The following ASIC2 variants were observed in gnomAD, a reference collection of about 807,000 sequenced individuals.
ASIC2 encodes acid-sensing ion channel 2.
Under a neutral mutation model 57.3 loss-of-function variants are expected in ASIC2, and 25 were observed. The observed-to-expected ratio is 0.44, with a 90% CI of 0.32 to 0.61. The LOEUF (loss-of-function observed/expected upper bound fraction) is 0.61, where lower values mean the gene tolerates loss of function less well. Ranked by LOEUF, ASIC2 falls within the 20% of genes least tolerant of loss-of-function variation. The pLI, the probability that ASIC2 is intolerant of heterozygous loss-of-function variation, is 0.06. For missense variants in ASIC2, 641 were observed against 738.1 expected (o/e 0.87, Z 1.52); for synonymous variants, 319 against 307.5 (o/e 1.04, Z -0.39).
At chr17:33,468,946 A>G (rs1057307572) in intron 1 of ASIC2, among the ~76,000 whole-genome samples, 3 of 152,218 alleles carry the variant, frequency 2.0e-5, no homozygotes, top group African/African-American at 7.2e-5. Context: ...AATGCTGGGC[A>G]TATGCAACAA....
At chr17:33,902,065 C>T (rs1915242457) in intron 1 of ASIC2, among the ~76,000 whole-genome samples, 1 of 152,118 alleles carries the variant, frequency 6.6e-6, no homozygotes, top group South Asian at 2.1e-4. Context: ...GAGCAAGGTT[C>T]TCTCTATCAA....
chr17:33,735,196 G>A (rs569406479), intron 1 of ASIC2, among the ~76,000 whole-genome samples: 54 of 152,090 alleles, frequency 3.6e-4, no homozygotes, highest in Admixed American at 3.3e-3. Flanking sequence ...GCCTCTGCCT[G>A]CCATTGTGTT....
chr17:34,033,597 C>T (rs539923512), intron 1 of ASIC2, among the ~76,000 whole-genome samples: 11 of 151,948 alleles, frequency 7.2e-5, no homozygotes, highest in Admixed American at 3.3e-4. Flanking sequence ...AAAAGATCAA[C>T]GAAATTGATA....
intron 1 of ASIC2, among the ~76,000 whole-genome samples, chr17:33,119,885 T>C (rs965723743): frequency 3.9e-5 from 6 of 152,152 alleles, no homozygotes; most frequent in African/African-American, 1.4e-4. Context: ...TTAATGTCAT[T>C]CTCCTTAGAG....
At chr17:33,108,658 T>TG (rs1216623287) in intron 2 of ASIC2, among the ~76,000 whole-genome samples, 1 of 152,224 alleles carries the variant, frequency 6.6e-6, no homozygotes, top group Non-Finnish European at 1.5e-5. Context: ...AGCTTTGAGG[T>TG]GACCAGCATC....
chr17:33,855,254 G>A (rs1703427920), intron 1 of ASIC2, among the ~76,000 whole-genome samples: 1 of 152,148 alleles, frequency 6.6e-6, no homozygotes, highest in Non-Finnish European at 1.5e-5. Context: ...CTCCAGACTG[G>A]AGACCCTGCT....
At chr17:33,824,201 C>T (rs770848863) in intron 1 of ASIC2, among the ~76,000 whole-genome samples, 4 of 152,028 alleles carry the variant, frequency 2.6e-5, no homozygotes, top group Non-Finnish European at 4.4e-5. Context: ...ATTTTTACTC[C>T]GAATGCCCAG....
intron 1 of ASIC2, among the ~76,000 whole-genome samples, chr17:33,244,510 C>T (rs1908622499): frequency 6.6e-6 from 1 of 152,216 alleles, no homozygotes; most frequent in Non-Finnish European, 1.5e-5. Context: ...TTTCTATTTT[C>T]CATGCAGATG....
At chr17:34,098,191 C>G (rs796507280) in intron 1 of ASIC2, among the ~76,000 whole-genome samples, 1 of 152,194 alleles carries the variant, frequency 6.6e-6, no homozygotes, top group Non-Finnish European at 1.5e-5. Context: ...ATGAGGTGAG[C>G]AGCCTGTCAC....
At chr17:33,470,741 C>T (rs1913022017) in intron 1 of ASIC2, among the ~76,000 whole-genome samples, 1 of 152,286 alleles carries the variant, frequency 6.6e-6, no homozygotes, top group South Asian at 2.1e-4. Flanking sequence ...TCAGAAATCA[C>T]ACACACCCAA....
At position 33,067,359 on chromosome 17, in the gene ASIC2, T is replaced by G. The variant is rs373467618; in HGVS notation, c.987+21504A>C. ...CTGGAGGAGGTGGCATGGAAGGAAG[T>G]GTTGGATTTGTATATGAGTAGCTAG... On this transcript the variant is annotated intron_variant, in intron 3 of 9. Transcript: ENST00000225823. 2.5e-4 allele frequency among the ~76,000 whole-genome samples: 38 copies of G among 152,020 alleles called. 1 individual carries two copies. In the South Asian group the frequency reaches 7.3e-3, roughly 29 times the overall value.
chr17:33,211,223 G>A (rs1907255476), intron 1 of ASIC2, among the ~76,000 whole-genome samples: 1 of 152,132 alleles, frequency 6.6e-6, no homozygotes, highest in African/African-American at 2.4e-5. Flanking sequence ...AGTTAGTAGA[G>A]GGATGAGGCT....
chr17:33,134,718 G>A (rs574849719), intron 1 of ASIC2, among the ~76,000 whole-genome samples: 27 of 152,326 alleles, frequency 1.8e-4, no homozygotes, highest in African/African-American at 5.1e-4. Context: ...GGTTGTCCCC[G>A]GGCTGGCCTT....
chr17:33,414,181 C>T (rs1910757970), intron 1 of ASIC2, among the ~76,000 whole-genome samples: 1 of 152,114 alleles, frequency 6.6e-6, no homozygotes, highest in Non-Finnish European at 1.5e-5. Flanking sequence ...TGAGTGCATA[C>T]ATTGGAGGCA....
chr17:33,243,956 G>A (rs1908602798), intron 1 of ASIC2, among the ~76,000 whole-genome samples: 1 of 152,056 alleles, frequency 6.6e-6, no homozygotes, highest in African/African-American at 2.4e-5. Flanking sequence ...GACCTCTCTG[G>A]GCCTCTGTTT....
chr17:33,733,515 C>T (rs999060767), intron 1 of ASIC2, among the ~76,000 whole-genome samples: 5 of 152,164 alleles, frequency 3.3e-5, no homozygotes, highest in Admixed American at 6.5e-5. Context: ...AAGATGGAGA[C>T]CTCAATCATG....
At chr17:33,891,842 A>G (rs1914966955) in intron 1 of ASIC2, among the ~76,000 whole-genome samples, 1 of 152,236 alleles carries the variant, frequency 6.6e-6, no homozygotes, top group Non-Finnish European at 1.5e-5. Context: ...CACATCCCAC[A>G]GCAAACAAAT....
chr17:33,434,574 G>GA, intron 1 of ASIC2, among the ~76,000 whole-genome samples: 1 of 152,260 alleles, frequency 6.6e-6, no homozygotes, highest in Non-Finnish European at 1.5e-5. Flanking sequence ...CTTAAAGAAA[G>GA]AAAATACAAT....
At chr17:33,400,226 G>T (rs1183242605) in intron 1 of ASIC2, among the ~76,000 whole-genome samples, 2 of 152,178 alleles carry the variant, frequency 1.3e-5, no homozygotes, top group Non-Finnish European at 2.9e-5. Context: ...ATTGGCTGAG[G>T]TTCTCTGTGT....
Sources: gnomAD v4.1 joint callset for allele counts (sites outside exome capture counted in the v4.1 genomes callset) on GRCh38, gnomAD v4.1.1 for gene constraint, MANE v1.5 for transcripts, NCBI Gene and HGNC (gene_info 2026-07-23, HGNC 2026-07-21) for gene names.